CEPT1: variants seen among roughly 807,000 people sequenced by gnomAD.
The protein encoded by CEPT1 is choline/ethanolaminephosphotransferase 1.
A neutral mutation model predicts 42.6 loss-of-function variants in CEPT1; 7 were observed. The ratio of observed to expected loss-of-function variants is 0.16; its 90% CI spans 0.09 to 0.31. The LOEUF (loss-of-function observed/expected upper bound fraction) is 0.31. CEPT1 is among the 10% of genes least tolerant of loss of function. CEPT1 has a pLI of 1.00. For missense variants in CEPT1, 306 were observed against 502.1 expected (o/e 0.61, Z 3.73); for synonymous variants, 171 against 171.9 (o/e 0.99, Z 0.04).
At chr1:111,166,509 A>G (rs1172583992) in intron 4 of CEPT1, among the ~76,000 whole-genome samples, 1 of 152,206 alleles carries the variant, frequency 6.6e-6, no homozygotes, top group African/African-American at 2.4e-5. Context: ...AGGAAATAGG[A>G]TAAGGAGATG....
chr1:111,157,211 T>C (rs1655617885), intron 2 of CEPT1, among the ~76,000 whole-genome samples: 1 of 152,186 alleles, frequency 6.6e-6, no homozygotes, highest in Non-Finnish European at 1.5e-5. Flanking sequence ...TGTCTGTGAT[T>C]GTTATTTTAC....
At chr1:111,179,847 A>G (rs921004006) in intron 5 of CEPT1, 3 of 152,232 alleles carry the variant, frequency 2.0e-5, no homozygotes, top group Non-Finnish European at 4.4e-5. Context: ...CCAGGGCTCT[A>G]GAGAGTGTAC....
At chr1:111,160,967 A>AG (rs1222936316) in intron 3 of CEPT1, 188 bp from the exon 4 acceptor site, 1 of 627,276 alleles carries the variant, frequency 1.6e-6, no homozygotes, top group Non-Finnish European at 2.7e-6. Flanking sequence ...AAAAAAAAAA[A>AG]AAAGAGAGAT....
At chr1:111,144,710 A>G (rs1010596467) in intron 1 of CEPT1, among the ~76,000 whole-genome samples, 4 of 152,216 alleles carry the variant, frequency 2.6e-5, no homozygotes, top group African/African-American at 9.7e-5. Context: ...CTGCAACAGT[A>G]AAATACAAAT....
At chr1:111,177,508 G>A (rs1050980043) in intron 5 of CEPT1, among the ~76,000 whole-genome samples, 1 of 152,154 alleles carries the variant, frequency 6.6e-6, no homozygotes, top group Non-Finnish European at 1.5e-5. Context: ...ATATGGAAAT[G>A]CATAAAACAT....
intron 1 of CEPT1, among the ~76,000 whole-genome samples, chr1:111,146,127 A>G (rs567440050): frequency 7.1e-6 from 1 of 139,886 alleles, no homozygotes; most frequent in African/African-American, 2.7e-5. Context: ...CCTCCTCACT[A>G]TGGTAAGTTT....
chr1:111,183,691 T>C lies in CEPT1; in HGVS notation c.1131+104T>C, dbSNP rs1657109769. The C allele has an allele frequency of 2.6e-6, 3 of 1,147,720 alleles. No homozygotes were observed. In the East Asian group the frequency reaches 7.2e-5, roughly 27 times the overall value. The allele number at this position is 1,147,720 out of a possible 1,614,324, so 71.1% of individuals were successfully genotyped here. ...TGAAAGATCGTTCATATAATTGTAA[T>C]GATTTGGAATGTCAGAAATCCACAT... On this transcript the variant is annotated intron_variant, in intron 8 of 8. Coordinates refer to ENST00000357172, the MANE Select transcript of CEPT1 (RefSeq NM_006090.5).
At chr1:111,179,748 C>T (rs1656879076) in intron 5 of CEPT1, 2 of 152,140 alleles carry the variant, frequency 1.3e-5, no homozygotes, top group Admixed American at 1.3e-4. Context: ...TCTTCATACT[C>T]TCCCAAAACA....
intron 4 of CEPT1, chr1:111,167,124 C>T: frequency 1.0e-6 from 1 of 985,134 alleles, no homozygotes; most frequent in Non-Finnish European, 1.2e-6. Context: ...TTACAGAGTC[C>T]CAGATCATAA....
At chr1:111,170,115 TAGAG>T (rs895106826) in intron 4 of CEPT1, among the ~76,000 whole-genome samples, 1 of 148,682 alleles carries the variant, frequency 6.7e-6, no homozygotes, top group Non-Finnish European at 1.5e-5. Context: ...TTGTGCCAGT[TAGAG>T]AGGAAGAATA....
intron 1 of CEPT1, among the ~76,000 whole-genome samples, chr1:111,144,378 A>G (rs187865634): frequency 1.1e-3 from 168 of 152,368 alleles, no homozygotes; most frequent in Non-Finnish European, 2.0e-3. Context: ...GTTGTTGCTA[A>G]TAGCTTCACA....
chr1:111,151,114 G>GTT lies in CEPT1; in HGVS notation c.339+3069_339+3070dup, dbSNP rs1176721936. On this transcript the variant is annotated intron_variant, in intron 2 of 8. Transcript: ENST00000357172. Reference sequence around the variant, plus strand: ...GCCCAAGGTAGTCAGAGCACTGCTTGTTTTTTTTTGTTTGTTTTTTTTTTT... The same window carrying GTT: ...GCCCAAGGTAGTCAGAGCACTGCTTGTTTTTTTTTTTGTTTGTTTTTTTTTTT... 4.5e-4 allele frequency among the ~76,000 whole-genome samples: 65 copies of GTT among 144,686 alleles called. 1 individual carries two copies. The highest frequency in any genetic ancestry group is 3.6e-3 in the Middle Eastern group (1 of 280). 94.9% of individuals were successfully genotyped at this position (144,686 alleles called of 152,430 possible). A position where few individuals can be genotyped will look rare whatever the true frequency, so the allele number is the denominator to read the frequency against.
intron 5 of CEPT1, chr1:111,178,920 AT>A (rs1656835656): frequency 6.6e-6 from 1 of 152,138 alleles, no homozygotes; most frequent in Admixed American, 6.5e-5. Context: ...TGATAGGGTG[AT>A]TTTCCTTTGT....
At chr1:111,169,945 T>A in intron 4 of CEPT1, among the ~76,000 whole-genome samples, 1 of 152,184 alleles carries the variant, frequency 6.6e-6, no homozygotes, top group African/African-American at 2.4e-5. Flanking sequence ...TGTTCTCATC[T>A]ACAAAATGGT....
chr1:111,173,849 C>T (rs1353844065), intron 4 of CEPT1, among the ~76,000 whole-genome samples: 1 of 152,102 alleles, frequency 6.6e-6, no homozygotes, highest in African/African-American at 2.4e-5. Flanking sequence ...ATCTTTGCTA[C>T]TTTTTATATC....
intron 4 of CEPT1, among the ~76,000 whole-genome samples, chr1:111,172,144 G>A (rs1366689670): frequency 6.6e-6 from 1 of 152,172 alleles, no homozygotes; most frequent in African/African-American, 2.4e-5. Context: ...ACTTTAGGCT[G>A]TAGAAATCTA....
In CEPT1 at chr1:111,159,467, A is replaced by G. The variant is rs149036872; in HGVS notation, c.427A>G (p.Thr143Ala). 1.9e-6 allele frequency: 3 copies of G among 1,613,468 alleles called. No homozygotes were observed. The highest frequency in any genetic ancestry group is 2.5e-6 in the Non-Finnish European group (3 of 1,179,822). Reference protein sequence around the residue: ...DAIDGKQARRTNSSSPLGELF... With the variant: ...DAIDGKQARRANSSSPLGELF... Reference sequence around the variant, plus strand: ...TATTGATGGGAAACAGGCAAGAAGAACCAATAGTAGTTCTCCTCTGGGAGA... The same window carrying G: ...TATTGATGGGAAACAGGCAAGAAGAGCCAATAGTAGTTCTCCTCTGGGAGA... The change falls in exon 3 of 9, where the codon ACC (threonine) becomes GCC (alanine). Residue 143 changes from threonine to alanine, a missense_variant. By Grantham distance (58) the Thr-to-Ala change is moderately conservative. This residue lies in a region of CEPT1 where 253 missense variants were observed against 447.3 expected (regional missense o/e 0.57). Transcript: ENST00000357172.
chr1:111,153,996 A>G (rs1342861886), intron 2 of CEPT1, among the ~76,000 whole-genome samples: 2 of 151,878 alleles, frequency 1.3e-5, no homozygotes, highest in East Asian at 1.9e-4. Flanking sequence ...GAAGAATGTC[A>G]TTGGTATTTT....
chr1:111,161,688 T>G (rs1655884564), intron 4 of CEPT1, among the ~76,000 whole-genome samples: 1 of 152,216 alleles, frequency 6.6e-6, no homozygotes, highest in South Asian at 2.1e-4. Flanking sequence ...CAATATTAAT[T>G]TTTAGTGTTT....
Sources: allele counts gnomAD v4.1 joint callset (sites outside exome capture counted in the v4.1 genomes callset), GRCh38; gene constraint gnomAD v4.1.1; regional missense constraint gnomAD v4.1.1; transcripts MANE v1.5; gene names NCBI Gene and HGNC (gene_info 2026-07-23, HGNC 2026-07-21).